CCN5: variants seen among roughly 807,000 people sequenced by gnomAD.
CCN5 encodes the protein cellular communication network factor 5, also known as CCN family member 5.
Under a neutral mutation model 18.7 loss-of-function variants are expected in CCN5, and 17 were observed. The observed-to-expected ratio is 0.91, with a 90% CI of 0.62 to 1.36. The LOEUF (loss-of-function observed/expected upper bound fraction) is 1.36. CCN5 is among the 40% of genes most tolerant of loss of function. The pLI, the probability that CCN5 is intolerant of heterozygous loss-of-function variation, is 0.00. For synonymous variants in CCN5, 135 were observed against 145.2 expected, an observed-to-expected ratio of 0.93 and a Z score of 0.50; for missense variants, 367 against 342.9, an observed-to-expected ratio of 1.07 and a Z score of -0.56.
chr20:44,715,276 C>T (rs202104184), upstream of CCN5: 1,760 of 769,354 alleles, frequency 2.3e-3, 36 homozygotes, highest in East Asian at 0.03. Flanking sequence ...CGCGCGCGCG[C>T]GCGCGTGTGT....
At chr20:44,719,204 G>A (rs1034575413) in intron 1 of CCN5, among the ~76,000 whole-genome samples, 3 of 152,298 alleles carry the variant, frequency 2.0e-5, no homozygotes, top group East Asian at 1.9e-4. Context: ...TGCAGTGAGC[G>A]CCTACTGCAT....
chr20:44,726,341 G>C (rs2065935978), intron 3 of CCN5, among the ~76,000 whole-genome samples: 1 of 151,980 alleles, frequency 6.6e-6, no homozygotes, highest in Non-Finnish European at 1.5e-5. Flanking sequence ...CACGTATACA[G>C]GTATATCTAC....
chr20:44,724,939 A>T lies in CCN5; in HGVS notation c.479A>T (p.Glu160Val), dbSNP rs761762161. 49 of 1,597,548 alleles carry T rather than the reference A, an allele frequency of 3.1e-5. No homozygotes were observed. The highest frequency in any genetic ancestry group is 3.0e-4 in the Admixed American group (17 of 57,458). ...RVEVLGKCCPEWVCGQGGGLG... is the reference protein window; with the variant it reads ...RVEVLGKCCPVWVCGQGGGLG... ...GAGGTCCTGGGCAAGTGCTGCCCTGAGTGGGTGTGCGGCCAAGGAGGGGGA... is the reference window on the plus strand; with the variant it reads ...GAGGTCCTGGGCAAGTGCTGCCCTGTGTGGGTGTGCGGCCAAGGAGGGGGA... The change falls in exon 3 of 4, where the codon GAG (glutamate) becomes GTG (valine). Residue 160 changes from glutamate to valine, a missense_variant. Coordinates refer to ENST00000190983, the MANE Select transcript of CCN5 (RefSeq NM_003881.4).
At chr20:44,727,016 G>T (rs916971842) in intron 3 of CCN5, 71 bp from the exon 4 acceptor site, 2 of 1,425,568 alleles carry the variant, frequency 1.4e-6, no homozygotes, top group Admixed American at 2.4e-5. Flanking sequence ...TGCCGTGGCC[G>T]CTGGCAGGTG....
chr20:44,716,418 G>C (rs1448924372), intron 1 of CCN5, among the ~76,000 whole-genome samples: 2 of 152,236 alleles, frequency 1.3e-5, no homozygotes, highest in African/African-American at 2.4e-5. Context: ...CAGGCTCCAA[G>C]TCTTCGTGCC....
intron 1 of CCN5, chr20:44,716,726 T>G (rs2065862172): frequency 1.3e-5 from 2 of 152,292 alleles, no homozygotes. Context: ...GAGGGAGAAC[T>G]GTAAGTCTTC....
Position 44,724,770 on chromosome 20 carries a change from G to C in CCN5, c.310G>C (p.Gly104Arg). 1 of 1,612,692 alleles carries C rather than the reference G, an allele frequency of 6.2e-7. No homozygotes were observed. The highest frequency in any genetic ancestry group is 8.5e-7 in the Non-Finnish European group (1 of 1,179,834). Reference sequence around the variant, plus strand: ...GGACGACAGCAGCTGTGAGGTGAACGGCCGCCTGTATCGGGAAGGGGAGAC... The same window carrying C: ...GGACGACAGCAGCTGTGAGGTGAACCGCCGCCTGTATCGGGAAGGGGAGAC... The part of the protein sequence containing the change: ...AEDDSSCEVN[G>R]RLYREGETFQ... The change falls in exon 3 of 4, where the codon GGC becomes CGC. Residue 104 changes from glycine to arginine, a missense_variant. Transcript: ENST00000190983.
chr20:44,720,192 C>A, intron 2 of CCN5, 79 bp downstream of exon 2: 1 of 1,424,298 alleles, frequency 7.0e-7, no homozygotes, highest in Non-Finnish European at 9.5e-7. Context: ...CAAAGTGCAG[C>A]CCTCCTCTCT....
chr20:44,715,483 G>A, intron 1 of CCN5, 33 bp downstream of exon 1: 1 of 1,571,810 alleles, frequency 6.4e-7, no homozygotes, highest in Non-Finnish European at 8.6e-7. Context: ...ATGCACTGCT[G>A]ACTATTTGGG....
At position 44,718,683 on chromosome 20, in the gene CCN5, G is replaced by A. The variant is rs561019661; in HGVS notation, c.61-1214G>A. ...GTCTACCCCCATCCCGTGTCCCTGAGTCCTCACTTGGGAAGCAGGACCGGG... is the reference window on the plus strand; with the variant it reads ...GTCTACCCCCATCCCGTGTCCCTGAATCCTCACTTGGGAAGCAGGACCGGG... On this transcript the variant is annotated intron_variant, in intron 1 of 3. Coordinates refer to ENST00000190983, the MANE Select transcript of CCN5 (RefSeq NM_003881.4). Among the ~76,000 whole-genome samples, 15 of 152,292 alleles carry A rather than the reference G, an allele frequency of 9.8e-5. No individual in the cohort carries two copies. In the East Asian group the frequency reaches 2.9e-3, roughly 29 times the overall value.
chr20:44,719,928 C>A lies in CCN5; in HGVS notation c.92C>A (p.Thr31Asn), dbSNP rs1476057202. The A allele has an allele frequency of 3.1e-6, 5 of 1,613,898 alleles. No individual in the cohort carries two copies. The highest frequency in any genetic ancestry group is 1.7e-4 in the Middle Eastern group (1 of 5,978). The change falls in exon 2 of 4, where the codon ACC becomes AAC. Residue 31 changes from threonine to asparagine, a missense_variant. Transcript: ENST00000190983. Reference sequence around the variant, plus strand: ...ACCCAGCTGTGCCCGACACCATGTACCTGCCCCTGGCCACCTCCCCGATGC... The same window carrying A: ...ACCCAGCTGTGCCCGACACCATGTAACTGCCCCTGGCCACCTCCCCGATGC... ...VRTQLCPTPCTCPWPPPRCPL... is the reference protein window; with the variant it reads ...VRTQLCPTPCNCPWPPPRCPL...
In CCN5 at chr20:44,720,103, C is replaced by T. The variant is rs1298580448; in HGVS notation, c.267C>T (p.Ala89=). 2.6e-6 allele frequency: 4 copies of T among 1,548,966 alleles called. No individual in the cohort carries two copies. Among genetic ancestry groups the T allele is most frequent in the Admixed American group, 1.9e-5 (1 of 51,554 alleles). Residue 89 remains alanine (A), a synonymous_variant, in exon 2 of 4, where the codon GCC becomes GCT. Coordinates refer to ENST00000190983, the MANE Select transcript of CCN5 (RefSeq NM_003881.4). The part of the protein sequence containing the change: ...QPGAGPGGRG[A]LCLLAEDDSS... ...GGGCAGGACCCGGTGGCCGGGGGGC[C>T]CTGTGCCTCTGTAAGCAGGTTTGCA... is the stretch of plus-strand genomic sequence containing the variant.
At chr20:44,724,638 T>C (rs1010031182) in intron 2 of CCN5, 100 bp from the exon 3 acceptor site, 67 of 1,550,728 alleles carry the variant, frequency 4.3e-5, no homozygotes, top group Non-Finnish European at 5.3e-5. Context: ...GCCCAGCTAC[T>C]GTGAGGCAGC....
chr20:44,718,797 G>T (rs563535415), intron 1 of CCN5, among the ~76,000 whole-genome samples: 1 of 152,316 alleles, frequency 6.6e-6, no homozygotes, highest in African/African-American at 2.4e-5. Flanking sequence ...TACCTGGCAG[G>T]GGGAGGAGGT....
At chr20:44,721,486 C>T (rs2065899187) in intron 2 of CCN5, 4 of 142,816 alleles carry the variant, frequency 2.8e-5, no homozygotes, top group African/African-American at 1.1e-4. Context: ...CATTCCAGCC[C>T]GGGCAACAGA....
Position 44,727,621 on chromosome 20 carries a change from C to A in CCN5, c.*314C>A. ...TATATCAAACATGCACACGGGCGAG[C>A]TTTCTCTCCGACTTCCCCTGGGCAA... On this transcript the variant is annotated 3_prime_UTR_variant, in exon 4 of 4. Coordinates refer to ENST00000190983, the MANE Select transcript of CCN5 (RefSeq NM_003881.4). The A allele has an allele frequency of 1.0e-6, 1 of 980,096 alleles. No individual in the cohort carries two copies. The highest frequency in any genetic ancestry group is 1.3e-6 in the Non-Finnish European group (1 of 753,962). 60.7% of individuals were successfully genotyped at this position (980,096 alleles called of 1,614,324 possible).
intron 1 of CCN5, among the ~76,000 whole-genome samples, chr20:44,716,116 C>G (rs2065858294): frequency 1.3e-5 from 2 of 152,152 alleles, no homozygotes; most frequent in South Asian, 4.2e-4. Flanking sequence ...AGTTTTCAGT[C>G]AAGTGAGGCT....
intron 3 of CCN5, among the ~76,000 whole-genome samples, chr20:44,726,245 G>A (rs2065935396): frequency 6.6e-6 from 1 of 152,112 alleles, no homozygotes; most frequent in Non-Finnish European, 1.5e-5. Flanking sequence ...AAATACATAG[G>A]AAAACACCAG....
upstream of CCN5, chr20:44,715,270 CGCGCGCGCGCGT>C (rs2065850220): frequency 1.7e-5 from 12 of 712,454 alleles, no homozygotes; most frequent in Non-Finnish European, 2.9e-5. Context: ...TGAGCGCGCG[CGCGCGCGCGCGT>C]GTGTACTCGT....
Sources: gnomAD v4.1 joint callset for allele counts (sites outside exome capture counted in the v4.1 genomes callset) on GRCh38, gnomAD v4.1.1 for gene constraint, MANE v1.5 for transcripts, NCBI Gene and HGNC (gene_info 2026-07-23, HGNC 2026-07-21) for gene names.